The following SCRG1 variants were observed in gnomAD, a reference collection of about 807,000 sequenced individuals.
SCRG1 encodes the protein scrapie-responsive protein 1.
A neutral mutation model predicts 7.7 loss-of-function variants in SCRG1; 3 were observed. That is an observed-to-expected ratio of 0.39 (90% CI 0.18 to 1.01). The LOEUF (loss-of-function observed/expected upper bound fraction) is 1.01, where lower values mean the gene tolerates loss of function less well. SCRG1 is among the 50% of genes least tolerant of loss of function. The pLI, the probability that SCRG1 is intolerant of heterozygous loss-of-function variation, is 0.36. For synonymous variants in SCRG1, 46 were observed against 41.2 expected, an observed-to-expected ratio of 1.12 and a Z score of -0.44; for missense variants, 110 against 117.2, an observed-to-expected ratio of 0.94 and a Z score of 0.28.
chr4:173,493,741 T>C, the SCRG1 span, among the ~76,000 whole-genome samples: 1 of 152,230 alleles, frequency 6.6e-6, no homozygotes, highest in Non-Finnish European at 1.5e-5. Context: ...TTGCCCTCTA[T>C]TCTCTTAGTA....
chr4:173,407,835 T>C (rs1739946469), upstream of SCRG1, among the ~76,000 whole-genome samples: 1 of 152,228 alleles, frequency 6.6e-6, no homozygotes, highest in African/African-American at 2.4e-5. Context: ...TTAACATTCT[T>C]TGAAATTTGA....
chr4:173,442,972 G>A, the SCRG1 span, among the ~76,000 whole-genome samples: 2 of 152,284 alleles, frequency 1.3e-5, 1 homozygote, highest in African/African-American at 4.8e-5. Context: ...GCCCCATTCA[G>A]TACTTATCTT....
At chr4:173,507,299 T>C in the SCRG1 span, among the ~76,000 whole-genome samples, 176 of 152,216 alleles carry the variant, frequency 1.2e-3, no homozygotes, top group African/African-American at 3.9e-3. The surrounding 1 kb of genome is among the most constrained non-coding windows in gnomAD (Gnocchi z 4.4). Context: ...AACCTCCGCC[T>C]CCCGGGTTCA....
At chr4:173,445,669 A>T in the SCRG1 span, among the ~76,000 whole-genome samples, 32 of 140,778 alleles carry the variant, frequency 2.3e-4, 1 homozygote, top group South Asian at 2.3e-4. Flanking sequence ...CTTTAAGGAT[A>T]TTTTTTTTTT....
At chr4:173,417,956 T>C in the SCRG1 span, among the ~76,000 whole-genome samples, 1 of 152,194 alleles carries the variant, frequency 6.6e-6, no homozygotes, top group Non-Finnish European at 1.5e-5. Context: ...AATTTGGTGG[T>C]GGCTTAAAAA....
chr4:173,485,807 T>A, the SCRG1 span, among the ~76,000 whole-genome samples: 1 of 151,942 alleles, frequency 6.6e-6, no homozygotes, highest in Non-Finnish European at 1.5e-5. Flanking sequence ...CCGCCTCTAC[T>A]AAAAATACAA....
At chr4:173,463,612 T>G in the SCRG1 span, among the ~76,000 whole-genome samples, 1 of 152,210 alleles carries the variant, frequency 6.6e-6, no homozygotes, top group African/African-American at 2.4e-5. Context: ...GAACCTGAAC[T>G]GAGAAGCAGT....
At chr4:173,462,656 AATATT>A in the SCRG1 span, among the ~76,000 whole-genome samples, 27 of 152,312 alleles carry the variant, frequency 1.8e-4, no homozygotes, top group Admixed American at 1.3e-3. Context: ...AAAAACACAG[AATATT>A]ATAACACTGT....
intron 1 of SCRG1, among the ~76,000 whole-genome samples, chr4:173,398,045 ACT>A (rs1474011825): frequency 6.6e-6 from 1 of 152,198 alleles, no homozygotes; most frequent in African/African-American, 2.4e-5. Flanking sequence ...GATGAAAATC[ACT>A]GTTTTTTTAA....
At chr4:173,493,823 A>G in the SCRG1 span, among the ~76,000 whole-genome samples, 29 of 152,186 alleles carry the variant, frequency 1.9e-4, no homozygotes, top group Admixed American at 1.8e-3. Flanking sequence ...CAGCAGCAGC[A>G]CATGTGGATG....
the SCRG1 span, among the ~76,000 whole-genome samples, chr4:173,458,152 G>T: frequency 1.3e-5 from 2 of 152,158 alleles, no homozygotes; most frequent in Admixed American, 1.3e-4. Context: ...AAACTCAGAA[G>T]TTGAGTGCTC....
the SCRG1 span, among the ~76,000 whole-genome samples, chr4:173,421,071 T>C: frequency 1.3e-5 from 2 of 152,268 alleles, no homozygotes; most frequent in African/African-American, 4.8e-5. Context: ...GCTTGATAGC[T>C]CGTGCCTAAA....
chr4:173,475,754 T>C, the SCRG1 span, among the ~76,000 whole-genome samples: 1 of 152,188 alleles, frequency 6.6e-6, no homozygotes, highest in African/African-American at 2.4e-5. Flanking sequence ...CAGAATATTA[T>C]TCAGACTTAA....
chr4:173,473,889 G>A, the SCRG1 span, among the ~76,000 whole-genome samples: 1 of 152,296 alleles, frequency 6.6e-6, no homozygotes, highest in African/African-American at 2.4e-5. Context: ...GGTAAAAGTT[G>A]ACTTCCTGGG....
chr4:173,437,380 G>T, the SCRG1 span, among the ~76,000 whole-genome samples: 1 of 152,284 alleles, frequency 6.6e-6, no homozygotes, highest in East Asian at 1.9e-4. Flanking sequence ...CCACTTATTT[G>T]ATCTGGCAGT....
chr4:173,432,547 G>A, the SCRG1 span, among the ~76,000 whole-genome samples: 1 of 151,794 alleles, frequency 6.6e-6, no homozygotes, highest in Non-Finnish European at 1.5e-5. Context: ...CCATTCGCCG[G>A]TATCTGCTGA....
At chr4:173,481,693 A>T in the SCRG1 span, among the ~76,000 whole-genome samples, 1 of 151,954 alleles carries the variant, frequency 6.6e-6, no homozygotes, top group Non-Finnish European at 1.5e-5. Context: ...CTTTATGATA[A>T]TCCACTTCCA....
the SCRG1 span, among the ~76,000 whole-genome samples, chr4:173,503,899 G>A: frequency 2.0e-5 from 3 of 152,224 alleles, no homozygotes; most frequent in Non-Finnish European, 2.9e-5. The surrounding 1 kb of genome is among the most constrained non-coding windows in gnomAD (Gnocchi z 6.4). Flanking sequence ...TCCTGCAGGG[G>A]AAGAAGCGGG....
the SCRG1 span, among the ~76,000 whole-genome samples, chr4:173,486,866 T>C: frequency 6.6e-6 from 1 of 152,328 alleles, no homozygotes; most frequent in East Asian, 1.9e-4. Flanking sequence ...CAGGTGGCCC[T>C]CTTCCAGGGT....
Sources: gnomAD v4.1 joint callset for allele counts (sites outside exome capture counted in the v4.1 genomes callset) on GRCh38, gnomAD v4.1.1 for gene constraint, Gnocchi (gnomAD v3.1) non-coding constraint, MANE v1.5 for transcripts, NCBI Gene and HGNC (gene_info 2026-07-23, HGNC 2026-07-21) for gene names.